Variants in EFCAB5 observed in about 807,000 individuals in gnomAD.
EFCAB5 encodes the protein EF-hand calcium binding domain 5.
EFCAB5 carries 131 observed loss-of-function variants against 167.9 expected under a neutral mutation model. That is an observed-to-expected ratio of 0.78 (90% CI 0.68 to 0.90). The LOEUF (loss-of-function observed/expected upper bound fraction) is 0.90. Ranked by LOEUF, EFCAB5 falls within the 40% of genes least tolerant of loss-of-function variation. The probability of loss-of-function intolerance (pLI) is 0.00; values close to 1 mark genes in which losing one functional copy is unlikely to be tolerated. For synonymous variants in EFCAB5, 574 were observed against 602.8 expected (o/e 0.95, Z 0.70); for missense variants, 1,663 against 1,745.2 (o/e 0.95, Z 0.84).
intron 3 of EFCAB5, among the ~76,000 whole-genome samples, chr17:29,952,069 G>T (rs1305094662): frequency 6.6e-6 from 1 of 152,124 alleles, no homozygotes; most frequent in Non-Finnish European, 1.5e-5. Context: ...CAAGATCAAG[G>T]CACCAGCAAG....
At chr17:30,055,439 A>C (rs920482051) in intron 10 of EFCAB5, among the ~76,000 whole-genome samples, 1 of 152,180 alleles carries the variant, frequency 6.6e-6, no homozygotes, top group African/African-American at 2.4e-5. Context: ...AGGTTGTTAA[A>C]ATTTACAGTA....
intron 9 of EFCAB5, among the ~76,000 whole-genome samples, chr17:30,051,892 C>T (rs1403434678): frequency 6.6e-6 from 1 of 152,142 alleles, no homozygotes; most frequent in Non-Finnish European, 1.5e-5. Flanking sequence ...TTCCTTTTCC[C>T]AAGCATTTAC....
intron 20 of EFCAB5, 56 bp downstream of exon 20, chr17:30,090,730 T>C (rs2071179800): frequency 6.5e-7 from 1 of 1,547,376 alleles, no homozygotes; most frequent in Non-Finnish European, 8.7e-7. Context: ...TTTGGGGAAA[T>C]CACAGGGAGT....
intron 22 of EFCAB5, among the ~76,000 whole-genome samples, chr17:30,094,745 C>T (rs2071265252): frequency 6.6e-6 from 1 of 152,122 alleles, no homozygotes; most frequent in Admixed American, 6.5e-5. Flanking sequence ...GCAGCTGTGT[C>T]TTGCCTTTAG....
intron 3 of EFCAB5, chr17:29,968,450 C>G (rs1303577206): frequency 2.7e-6 from 1 of 374,770 alleles, no homozygotes; most frequent in Admixed American, 3.8e-5. Context: ...AGGAGAAAAA[C>G]CCTTTGTCCT....
At chr17:30,029,377 T>G (rs559520342) in intron 7 of EFCAB5, among the ~76,000 whole-genome samples, 2 of 152,198 alleles carry the variant, frequency 1.3e-5, no homozygotes, top group Non-Finnish European at 2.9e-5. Flanking sequence ...AAGCTTATTT[T>G]ATAATGAGGT....
At chr17:29,956,716 A>T (rs2067622447) in intron 3 of EFCAB5, among the ~76,000 whole-genome samples, 1 of 152,186 alleles carries the variant, frequency 6.6e-6, no homozygotes, top group Admixed American at 6.5e-5. Context: ...TTGAGTAACA[A>T]CAGATATAAA....
intron 19 of EFCAB5, among the ~76,000 whole-genome samples, chr17:30,090,113 T>C (rs560699812): frequency 2.6e-5 from 4 of 152,138 alleles, no homozygotes; most frequent in Non-Finnish European, 5.9e-5. Flanking sequence ...AAACAAAAAA[T>C]GAACACCTTC....
chr17:29,946,327 A>G (rs942665237), intron 3 of EFCAB5, among the ~76,000 whole-genome samples: 6 of 152,170 alleles, frequency 3.9e-5, no homozygotes, highest in Non-Finnish European at 8.8e-5. Context: ...AATGTCAAAA[A>G]ACAATAGATG....
Position 29,993,147 on chromosome 17 carries a change from T to C in EFCAB5, c.768-18T>C, listed in dbSNP as rs773547838. 1.9e-6 allele frequency: 3 copies of C among 1,584,790 alleles called. No individual in the cohort carries two copies. Among genetic ancestry groups the C allele is most frequent in the South Asian group, 1.2e-5 (1 of 85,902 alleles). On this transcript the variant is annotated intron_variant, in intron 4 of 22. Coordinates refer to ENST00000394835, the MANE Select transcript of EFCAB5 (RefSeq NM_198529.4). ...AAGGGTATTAACTCAACATGTTTTC[T>C]ATATCTACATCCTGCAGAGTATCCA...
At position 30,053,756 on chromosome 17, in the gene EFCAB5, A is replaced by G. The variant is rs2070172125; in HGVS notation, c.1802A>G (p.Glu601Gly). 1 of 1,613,808 alleles carries G rather than the reference A, an allele frequency of 6.2e-7. No homozygotes were observed. ...VSVSEQGSSR[E>G]SVAEQGSRRE... ...GTTTCAGAACAAGGATCAAGCAGAG[A>G]GTCAGTTGCAGAACAAGGGTCACGC... The change falls in exon 10 of 23, where the codon GAG becomes GGG. Residue 601 changes from glutamate to glycine, a missense_variant. Transcript: ENST00000394835.
intron 14 of EFCAB5, among the ~76,000 whole-genome samples, chr17:30,070,571 G>T (rs1355171743): frequency 6.6e-6 from 1 of 152,172 alleles, no homozygotes; most frequent in East Asian, 1.9e-4. Flanking sequence ...AAGGTACCAA[G>T]AACATTCATT....
At chr17:29,932,305 C>T (rs1451621558) in intron 1 of EFCAB5, among the ~76,000 whole-genome samples, 1 of 151,210 alleles carries the variant, frequency 6.6e-6, no homozygotes, top group Non-Finnish European at 1.5e-5. Context: ...GGCCCGCCAC[C>T]ACACCCGGCT....
intron 1 of EFCAB5, chr17:29,930,300 G>T (rs1050279544): frequency 2.2e-6 from 1 of 456,658 alleles, no homozygotes; most frequent in East Asian, 4.0e-5. Context: ...CCGCCTGGTC[G>T]TAACCCTTGA....
chr17:29,997,414 T>C (rs1164738850), intron 6 of EFCAB5, among the ~76,000 whole-genome samples: 2 of 151,952 alleles, frequency 1.3e-5, no homozygotes, highest in African/African-American at 4.8e-5. Context: ...ACCATTTTAT[T>C]TGTTTTTGAC....
In EFCAB5 at chr17:30,053,529, A is replaced by G; in HGVS notation, c.1575A>G (p.Glu525=). The change falls in exon 10 of 23, where the codon GAA becomes GAG. Residue 525 remains glutamate, a synonymous_variant. Coordinates refer to ENST00000394835, the MANE Select transcript of EFCAB5 (RefSeq NM_198529.4). Reference sequence around the variant, plus strand: ...GACCACAAAGAATTTCAATTGAAGAACAACAACAAGGCAAAAAGCCAACTG... The same window carrying G: ...GACCACAAAGAATTTCAATTGAAGAGCAACAACAAGGCAAAAAGCCAACTG... ...EQGPQRISIE[E]QQQGKKPTAE... 1 of 1,613,920 alleles carries G rather than the reference A, an allele frequency of 6.2e-7. No individual in the cohort carries two copies. Among genetic ancestry groups the G allele is most frequent in the Middle Eastern group, 1.6e-4 (1 of 6,062 alleles).
chr17:30,020,609 C>T (rs865900929), intron 7 of EFCAB5, among the ~76,000 whole-genome samples: 2 of 152,140 alleles, frequency 1.3e-5, no homozygotes, highest in African/African-American at 4.8e-5. Context: ...CCCGCCTCGG[C>T]CTCCCTAAGT....
At position 30,082,992 on chromosome 17, in the gene EFCAB5, A is replaced by C. The variant is rs2071019638; in HGVS notation, c.3528A>C (p.Thr1176=). ...GCATAGGCTGGCTTTATGACGTCAC[A>C]TCCAGCATCACCTCCATCACTACGT... is the stretch of plus-strand genomic sequence containing the variant. ...ITGIGWLYDV[T]SSITSITTYF... Residue 1176 remains threonine, a synonymous_variant, in exon 18 of 23, where the codon ACA becomes ACC. Coordinates refer to ENST00000394835, the MANE Select transcript of EFCAB5 (RefSeq NM_198529.4). 6.2e-6 allele frequency: 10 copies of C among 1,613,922 alleles called. No individual in the cohort carries two copies. The highest frequency in any genetic ancestry group is 8.5e-6 in the Non-Finnish European group (10 of 1,179,906).
At chr17:29,942,198 G>A in intron 1 of EFCAB5, 42 bp from the exon 2 acceptor site, 4 of 1,518,716 alleles carry the variant, frequency 2.6e-6, no homozygotes, top group Non-Finnish European at 3.6e-6. Flanking sequence ...TTAATCCACA[G>A]CTCTTTTTGG....
Sources: gnomAD v4.1 joint callset for allele counts (sites outside exome capture counted in the v4.1 genomes callset) on GRCh38, gnomAD v4.1.1 for gene constraint, MANE v1.5 for transcripts, NCBI Gene and HGNC (gene_info 2026-07-23, HGNC 2026-07-21) for gene names.